Variants in DNAH2 observed in about 807,000 individuals in gnomAD.
The protein encoded by DNAH2 is dynein axonemal heavy chain 2, also known as axonemal beta dynein heavy chain 2.
Under a neutral mutation model 523.5 loss-of-function variants are expected in DNAH2, and 323 were observed. That is an observed-to-expected ratio of 0.62 (90% confidence interval 0.56 to 0.68). The LOEUF is 0.68. Ranked by LOEUF, DNAH2 falls within the 30% of genes least tolerant of loss-of-function variation. The probability of loss-of-function intolerance (pLI) is 0.00; values close to 1 mark genes in which losing one functional copy is unlikely to be tolerated. For missense variants in DNAH2, 4,907 were observed against 5,701.5 expected, an observed-to-expected ratio of 0.86 and a Z score of 4.49; for synonymous variants, 2,093 against 2,177.4, an observed-to-expected ratio of 0.96 and a Z score of 1.08.
At chr17:7,725,556 C>T (rs2074778425) in intron 3 of DNAH2, among the ~76,000 whole-genome samples, 2 of 151,430 alleles carry the variant, frequency 1.3e-5, no homozygotes, top group South Asian at 2.1e-4. Flanking sequence ...CCTCAGCCTC[C>T]CGAGTAGCTG....
intron 77 of DNAH2, among the ~76,000 whole-genome samples, chr17:7,827,519 C>T (rs2151344541): frequency 6.6e-6 from 1 of 152,152 alleles, no homozygotes; most frequent in East Asian, 1.9e-4. Context: ...GATCTCGGCT[C>T]ACTGCAACCT....
At chr17:7,747,161 T>A (rs2075541843) in intron 12 of DNAH2, among the ~76,000 whole-genome samples, 3 of 151,966 alleles carry the variant, frequency 2.0e-5, no homozygotes, top group Admixed American at 2.0e-4. Flanking sequence ...TTTTTTTGAA[T>A]GTGGAGACAG....
rs1199873295 is a variant in DNAH2 at position 7,741,291 on chromosome 17, T to TTTC, written c.1689+303_1689+305dup. 4.9e-4 allele frequency among the ~76,000 whole-genome samples: 26 copies of TTTC among 53,122 alleles called. 1 individual carries two copies. The highest frequency in any genetic ancestry group is 9.0e-4 in the Admixed American group (4 of 4,460). The allele number at this position is 53,122 out of a possible 152,430, so 34.9% of individuals were successfully genotyped here. A position where few individuals can be genotyped will look rare whatever the true frequency, so the allele number is the denominator to read the frequency against. On this transcript the variant is annotated intron_variant, in intron 11 of 85. Coordinates refer to ENST00000572933, the MANE Select transcript of DNAH2 (RefSeq NM_020877.5). ...CTTTCTTTCTTTCTTTCTTTCTTTC[T>TTTC]TTCTTCCTTCCTTCCCTCCCTCCCT...
At chr17:7,820,244 T>C (rs2077816537) in intron 72 of DNAH2, among the ~76,000 whole-genome samples, 2 of 152,210 alleles carry the variant, frequency 1.3e-5, no homozygotes, top group Admixed American at 1.3e-4. Context: ...TGATCCTTTT[T>C]TCTGAGTTGC....
rs749082899 is a variant in DNAH2 at position 7,818,077 on chromosome 17, C to G, written c.10368C>G (p.Asn3456Lys). 3.3e-5 allele frequency: 54 copies of G among 1,612,496 alleles called. 2 individuals are homozygous for G. The South Asian group carries it at 4.7e-4, about 14-fold the overall frequency. ...YLDPTLNPML[N>K]KSVARIGGRL... ...ACCCCACACTGAACCCCATGCTCAA[C>G]AAATCTGTAGCCCGAATCGGTCAGG... The change falls in exon 68 of 86, where the codon AAC (asparagine) becomes AAG (lysine). Residue 3456 changes from asparagine to lysine, a missense_variant. This residue lies in a region of DNAH2 where 1,851 missense variants were observed against 2,139.4 expected (regional missense o/e 0.87). Transcript: ENST00000572933.
chr17:7,745,294 C>T (rs2075484707), intron 12 of DNAH2, among the ~76,000 whole-genome samples: 1 of 152,050 alleles, frequency 6.6e-6, no homozygotes, highest in Non-Finnish European at 1.5e-5. Flanking sequence ...TGTGTCTGGC[C>T]AAGTATTTAC....
intron 77 of DNAH2, among the ~76,000 whole-genome samples, chr17:7,825,102 C>G (rs1682520533): frequency 6.6e-6 from 1 of 152,126 alleles, no homozygotes; most frequent in Non-Finnish European, 1.5e-5. Flanking sequence ...CAAATTCATT[C>G]TTTTATACCT....
Position 7,818,676 on chromosome 17 carries a change from C to G in DNAH2, c.10570C>G (p.Arg3524Gly). 1 of 1,613,996 alleles carries G rather than the reference C, an allele frequency of 6.2e-7. No homozygotes were observed. Among genetic ancestry groups the G allele is most frequent in the Non-Finnish European group, 8.5e-7 (1 of 1,180,000 alleles). The change falls in exon 70 of 86, where the codon CGG (arginine) becomes GGG (glycine). Residue 3524 changes from arginine to glycine, a missense_variant. Transcript: ENST00000572933. ...LEAQLLGIVVRKERPELEEQK... is the reference protein window; with the variant it reads ...LEAQLLGIVVGKERPELEEQK... Reference sequence around the variant, plus strand: ...GGCCCAGCTGCTGGGCATTGTGGTGCGGAAGGAGCGGCCTGAGCTGGAGGA... The same window carrying G: ...GGCCCAGCTGCTGGGCATTGTGGTGGGGAAGGAGCGGCCTGAGCTGGAGGA...
At position 7,793,013 on chromosome 17, in the gene DNAH2, G is replaced by A. The variant is rs1328182159; in HGVS notation, c.7377G>A (p.Glu2459=). 6.2e-7 allele frequency: 1 copy of A among 1,613,640 alleles called. No homozygotes were observed. The highest frequency in any genetic ancestry group is 8.5e-7 in the Non-Finnish European group (1 of 1,179,720). ...TTSNNVQSII[E]SRVEKRTKGV... ...CCAATAACGTGCAGAGCATCATTGA[G>A]AGCAGGGTTGAGAAGCGAACCAAGG... Residue 2459 remains glutamate, a synonymous_variant, in exon 48 of 86, where the codon GAG becomes GAA. Coordinates refer to ENST00000572933, the MANE Select transcript of DNAH2 (RefSeq NM_020877.5).
At position 7,807,336 on chromosome 17, in the gene DNAH2, T is replaced by TGGGGC; in HGVS notation, c.9612+25_9612+29dup. 6.2e-7 allele frequency: 1 copy of TGGGGC among 1,606,756 alleles called. No homozygotes were observed. The highest frequency in any genetic ancestry group is 8.5e-7 in the Non-Finnish European group (1 of 1,177,212). ...GCCATGGAGGTAAAGGCGTCAGGGC[T>TGGGGC]GGGGCGGGGCGGTAGGGAGGGCAGG... On this transcript the variant is annotated intron_variant, in intron 62 of 85. Coordinates refer to ENST00000572933, the MANE Select transcript of DNAH2 (RefSeq NM_020877.5). The surrounding 1 kb of genome is among the most constrained non-coding windows in gnomAD (Gnocchi z 5.6).
chr17:7,771,202 C>T (rs1301978285), intron 27 of DNAH2, 128 bp from the exon 28 acceptor site: 4 of 1,369,466 alleles, frequency 2.9e-6, no homozygotes, highest in East Asian at 2.3e-5. Context: ...AGAACTTGGG[C>T]ATCTTGGCCT....
At position 7,833,651 on chromosome 17, in the gene DNAH2, G is replaced by T; in HGVS notation, c.*118G>T. ...AGACTTTGACCTTGGCCGAATTTGT[G>T]TGATGTGGCCCTGGAGATACCTAGT... On this transcript the variant is annotated 3_prime_UTR_variant, in exon 86 of 86. Coordinates refer to ENST00000572933, the MANE Select transcript of DNAH2 (RefSeq NM_020877.5). 2 of 1,393,294 alleles carry T rather than the reference G, an allele frequency of 1.4e-6. No individual in the cohort carries two copies. The highest frequency in any genetic ancestry group is 1.2e-5 in the South Asian group (1 of 83,036). The allele number at this position is 1,393,294 out of a possible 1,614,324, so 86.3% of individuals were successfully genotyped here.
intron 39 of DNAH2, among the ~76,000 whole-genome samples, chr17:7,782,284 G>A (rs1469614469): frequency 6.6e-6 from 1 of 152,202 alleles, no homozygotes; most frequent in Non-Finnish European, 1.5e-5. Context: ...ATACAGGAAA[G>A]AAACTTGCTT....
chr17:7,738,937 C>T (rs749508388), intron 8 of DNAH2: 16 of 701,820 alleles, frequency 2.3e-5, no homozygotes, highest in East Asian at 1.6e-4. Context: ...GTTCTCCAGT[C>T]GGGGCTGGGT....
intron 63 of DNAH2, among the ~76,000 whole-genome samples, chr17:7,808,101 C>T (rs1417184350): frequency 2.6e-5 from 4 of 152,116 alleles, no homozygotes; most frequent in Admixed American, 1.3e-4. Flanking sequence ...CTGGGCGCCA[C>T]GGCTCATGCC....
At position 7,758,478 on chromosome 17, in the gene DNAH2, G is replaced by C. The variant is rs774501114; in HGVS notation, c.2052-17G>C. On this transcript the variant is annotated splice_polypyrimidine_tract_variant and intron_variant, in intron 13 of 85. Coordinates refer to ENST00000572933, the MANE Select transcript of DNAH2 (RefSeq NM_020877.5). ...AGGGCTTGTCCCCTCTGGATACCAG[G>C]CCTCTCTTATGCACAGGATTATTGC... 1 of 1,608,178 alleles carries C rather than the reference G, an allele frequency of 6.2e-7. No homozygotes were observed. Among genetic ancestry groups the C allele is most frequent in the Admixed American group, 1.7e-5 (1 of 59,234 alleles).
At chr17:7,771,565 A>G in intron 28 of DNAH2, 97 bp downstream of exon 28, 1 of 1,348,862 alleles carries the variant, frequency 7.4e-7, no homozygotes, top group Non-Finnish European at 1.0e-6. Context: ...TGATGCCCCC[A>G]GCTCTCCTAA....
intron 49 of DNAH2, among the ~76,000 whole-genome samples, chr17:7,795,509 C>T (rs2077036210): frequency 1.3e-5 from 2 of 151,106 alleles, no homozygotes; most frequent in South Asian, 2.1e-4. Flanking sequence ...CCTGTCTCTA[C>T]AAAAAAATAC....
chr17:7,763,805 C>G (rs766599252), intron 18 of DNAH2, 26 bp from the exon 19 acceptor site: 5 of 1,613,286 alleles, frequency 3.1e-6, no homozygotes, highest in Non-Finnish European at 4.2e-6. Flanking sequence ...AAACAACATC[C>G]TAGCTGGGAT....
Sources: gnomAD v4.1 joint callset for allele counts (sites outside exome capture counted in the v4.1 genomes callset) on GRCh38, gnomAD v4.1.1 for gene constraint, gnomAD v4.1.1 regional missense constraint, Gnocchi (gnomAD v3.1) non-coding constraint, MANE v1.5 for transcripts, NCBI Gene and HGNC (gene_info 2026-07-23, HGNC 2026-07-21) for gene names.